NCOA5: variants seen among roughly 807,000 people sequenced by gnomAD.
NCOA5 encodes nuclear receptor coactivator 5.
NCOA5 carries 12 observed loss-of-function variants against 59.0 expected under a neutral mutation model. The observed-to-expected ratio is 0.20, with a 90% CI of 0.13 to 0.33. The LOEUF (loss-of-function observed/expected upper bound fraction) is 0.33, where lower values mean the gene tolerates loss of function less well. Ranked by LOEUF, NCOA5 falls within the 10% of genes least tolerant of loss-of-function variation. The probability of loss-of-function intolerance (pLI) is 1.00; values close to 1 mark genes in which losing one functional copy is unlikely to be tolerated. For synonymous variants in NCOA5, 270 were observed against 275.5 expected, an observed-to-expected ratio of 0.98 and a Z score of 0.20; for missense variants, 655 against 766.6, an observed-to-expected ratio of 0.85 and a Z score of 1.72.
intron 1 of NCOA5, among the ~76,000 whole-genome samples, chr20:46,079,728 G>A (rs2084971948): frequency 6.6e-6 from 1 of 152,158 alleles, no homozygotes; most frequent in African/African-American, 2.4e-5. Context: ...ACGCTGCCAA[G>A]ACCTAGACCT....
At chr20:46,073,750 G>C (rs1162244802) in intron 2 of NCOA5, among the ~76,000 whole-genome samples, 1 of 152,060 alleles carries the variant, frequency 6.6e-6, no homozygotes, top group Non-Finnish European at 1.5e-5. Context: ...ACCACCTTCG[G>C]AGTATTATAA....
chr20:46,073,581 C>A (rs1019827944), intron 2 of NCOA5, among the ~76,000 whole-genome samples: 1 of 152,120 alleles, frequency 6.6e-6, no homozygotes, highest in African/African-American at 2.4e-5. Flanking sequence ...GATAAACCTG[C>A]CTTGGGGAGC....
intron 1 of NCOA5, among the ~76,000 whole-genome samples, chr20:46,088,332 A>C (rs368601849): frequency 3.9e-5 from 6 of 152,262 alleles, no homozygotes; most frequent in African/African-American, 1.4e-4. Flanking sequence ...TTTCAAAGGC[A>C]ATCTGAAGAG....
chr20:46,081,085 T>C (rs554582591), intron 1 of NCOA5, among the ~76,000 whole-genome samples: 1 of 152,128 alleles, frequency 6.6e-6, no homozygotes, highest in Non-Finnish European at 1.5e-5. Flanking sequence ...AGAAATATAA[T>C]ATCTTTGAGT....
At chr20:46,070,729 A>C (rs1353263105) in intron 2 of NCOA5, among the ~76,000 whole-genome samples, 193 bp from the exon 3 acceptor site, 1 of 152,172 alleles carries the variant, frequency 6.6e-6, no homozygotes, top group Non-Finnish European at 1.5e-5. Flanking sequence ...ACAATCTCAA[A>C]AGATTAGGAC....
intron 2 of NCOA5, among the ~76,000 whole-genome samples, chr20:46,071,273 T>C (rs1407781020): frequency 6.6e-6 from 1 of 152,184 alleles, no homozygotes; most frequent in Admixed American, 6.5e-5. Flanking sequence ...CTCTTCAACA[T>C]ATTTAAAATT....
chr20:46,084,458 G>A (rs2085025996), intron 1 of NCOA5, among the ~76,000 whole-genome samples: 1 of 152,286 alleles, frequency 6.6e-6, no homozygotes, highest in Middle Eastern at 3.4e-3. Context: ...ACCCAACAGG[G>A]TAGAACCTAC....
chr20:46,062,999 A>C, intron 7 of NCOA5, 110 bp from the exon 8 acceptor site: 2 of 879,802 alleles, frequency 2.3e-6, no homozygotes, highest in Non-Finnish European at 3.4e-6. Context: ...CATACAGTAC[A>C]CAGACGATAA....
At chr20:46,072,234 T>G (rs979125548) in intron 2 of NCOA5, among the ~76,000 whole-genome samples, 1 of 152,230 alleles carries the variant, frequency 6.6e-6, no homozygotes, top group Non-Finnish European at 1.5e-5. Flanking sequence ...TCCTCATTTC[T>G]GTTTTTGCCT....
At chr20:46,077,318 AT>A (rs963319309) in intron 2 of NCOA5, among the ~76,000 whole-genome samples, 18 of 152,158 alleles carry the variant, frequency 1.2e-4, no homozygotes, top group African/African-American at 4.3e-4. Flanking sequence ...GTAAATTAAT[AT>A]TTTTAATTTA....
intron 1 of NCOA5, 71 bp from the exon 2 acceptor site, chr20:46,079,524 G>T: frequency 7.9e-7 from 1 of 1,265,310 alleles, no homozygotes; most frequent in Non-Finnish European, 1.1e-6. Flanking sequence ...CATTTCAAAT[G>T]AAAGCAACAA....
intron 6 of NCOA5, 67 bp downstream of exon 6, chr20:46,064,959 GCTT>G (rs777094306): frequency 2.5e-4 from 388 of 1,532,072 alleles, no homozygotes; most frequent in Non-Finnish European, 3.9e-5. Context: ...CCCAAAACCT[GCTT>G]CTTCTGAGTA....
At chr20:46,081,050 T>C (rs2084986931) in intron 1 of NCOA5, among the ~76,000 whole-genome samples, 1 of 152,128 alleles carries the variant, frequency 6.6e-6, no homozygotes, top group African/African-American at 2.4e-5. Flanking sequence ...ACTTTCTAAT[T>C]ATATAGGTTG....
rs1055830367 is a variant in NCOA5, at chr20:46,067,957, G to T, written c.502+545C>A. The stretch of plus-strand genomic sequence containing the variant: ...TTCTCTTTTTTTTTTTTGAGACAGG[G>T]TCTCACTCTGTCACCCAGGCTGGAG... On this transcript the variant is annotated intron_variant, in intron 4 of 7. Coordinates refer to ENST00000290231, the MANE Select transcript of NCOA5 (RefSeq NM_020967.3). Among the ~76,000 whole-genome samples, 2 of 151,466 alleles carry T rather than the reference G, an allele frequency of 1.3e-5. 1 individual carries two copies. The highest frequency in any genetic ancestry group is 4.2e-4 in the South Asian group (2 of 4,796).
chr20:46,061,323 G>C lies in NCOA5; in HGVS notation c.*977C>G, dbSNP rs2084759174. 1 of 152,660 alleles carries C rather than the reference G, an allele frequency of 6.6e-6. No homozygotes were observed. Among genetic ancestry groups the C allele is most frequent in the Non-Finnish European group, 1.5e-5 (1 of 68,068 alleles). The allele number at this position is 152,660 out of a possible 1,614,324, so 9.5% of individuals were successfully genotyped here. Reference sequence around the variant, plus strand: ...CTAACAATTTCACTCTGGTACAAAAGTCGCGAACAGCCACCCATCTCGAGA... The same window carrying C: ...CTAACAATTTCACTCTGGTACAAAACTCGCGAACAGCCACCCATCTCGAGA... On this transcript the variant is annotated 3_prime_UTR_variant, in exon 8 of 8. Coordinates refer to ENST00000290231, the MANE Select transcript of NCOA5 (RefSeq NM_020967.3).
At chr20:46,071,387 T>C (rs2084881401) in intron 2 of NCOA5, among the ~76,000 whole-genome samples, 2 of 152,234 alleles carry the variant, frequency 1.3e-5, no homozygotes, top group African/African-American at 2.4e-5. Context: ...ATATTAACTA[T>C]GCTTTTTCTT....
Position 46,062,904 on chromosome 20 carries a change from A to G in NCOA5, c.1151-15T>C. ...GGAAATCGGGCCTGGAAGACAGAAGAGGGAGGTATCTGGTTCAAAGTACCC... is the reference window on the plus strand; with the variant it reads ...GGAAATCGGGCCTGGAAGACAGAAGGGGGAGGTATCTGGTTCAAAGTACCC... On this transcript the variant is annotated splice_polypyrimidine_tract_variant and intron_variant, in intron 7 of 7. Coordinates refer to ENST00000290231, the MANE Select transcript of NCOA5 (RefSeq NM_020967.3). 1 of 1,512,354 alleles carries G rather than the reference A, an allele frequency of 6.6e-7. No homozygotes were observed. Among genetic ancestry groups the G allele is most frequent in the Non-Finnish European group, 8.8e-7 (1 of 1,134,870 alleles). 93.7% of individuals were successfully genotyped at this position (1,512,354 alleles called of 1,614,324 possible). A position where few individuals can be genotyped will look rare whatever the true frequency, so the allele number is the denominator to read the frequency against.
intron 1 of NCOA5, among the ~76,000 whole-genome samples, chr20:46,089,608 G>A (rs115137981): frequency 0.03 from 4,603 of 152,090 alleles, 241 homozygotes; most frequent in African/African-American, 0.1. Context: ...CGCCTCGGCC[G>A]GCCGGGCCTG....
chr20:46,065,222 A>G lies in NCOA5; in HGVS notation c.636T>C (p.Tyr212=). 6.2e-7 allele frequency: 1 copy of G among 1,614,184 alleles called. No individual in the cohort carries two copies. The highest frequency in any genetic ancestry group is 8.5e-7 in the Non-Finnish European group (1 of 1,180,014). Residue 212 remains tyrosine, a synonymous_variant, in exon 6 of 8, where the codon TAT becomes TAC. Coordinates refer to ENST00000290231, the MANE Select transcript of NCOA5 (RefSeq NM_020967.3). ...VIVVNKQTKD[Y]AESVGRKVRD... ...GCACCTTCCGCCCCACAGACTCAGC[A>G]TAGTCTCTGTAAAAATAAATAAGAT...
Sources: allele counts gnomAD v4.1 joint callset (sites outside exome capture counted in the v4.1 genomes callset), GRCh38; gene constraint gnomAD v4.1.1; transcripts MANE v1.5; gene names NCBI Gene and HGNC (gene_info 2026-07-23, HGNC 2026-07-21).